CCDC178: variants seen among roughly 807,000 people sequenced by gnomAD.
CCDC178 encodes coiled-coil domain-containing protein 178.
Under a neutral mutation model 117.4 loss-of-function variants are expected in CCDC178, and 126 were observed. The ratio of observed to expected loss-of-function variants is 1.07; its 90% CI spans 0.93 to 1.24. The LOEUF (loss-of-function observed/expected upper bound fraction) is 1.24. Among genes scored for constraint, CCDC178 ranks in the 50% most tolerant of loss-of-function variants. CCDC178 has a pLI of 0.00. For synonymous variants in CCDC178, 283 were observed against 313.4 expected, an observed-to-expected ratio of 0.90 and a Z score of 1.02; for missense variants, 1,030 against 986.9, an observed-to-expected ratio of 1.04 and a Z score of -0.59.
At chr18:33,242,136 G>A (rs2059495560) in intron 15 of CCDC178, among the ~76,000 whole-genome samples, 1 of 151,688 alleles carries the variant, frequency 6.6e-6, no homozygotes, top group South Asian at 2.1e-4. Flanking sequence ...ACTGATTTTT[G>A]ACAAAGGCAC....
chr18:33,396,486 G>A (rs1327991010), intron 4 of CCDC178, among the ~76,000 whole-genome samples: 1 of 151,992 alleles, frequency 6.6e-6, no homozygotes, highest in Non-Finnish European at 1.5e-5. Context: ...TATGTACAAG[G>A]AGGTTTCTAG....
intron 14 of CCDC178, among the ~76,000 whole-genome samples, chr18:33,247,506 AG>A (rs1293104669): frequency 6.6e-6 from 1 of 151,884 alleles, no homozygotes; most frequent in East Asian, 1.9e-4. Context: ...AGAGACAAAG[AG>A]AGTTTTGGAT....
At chr18:33,231,884 G>C (rs2059372669) in intron 15 of CCDC178, among the ~76,000 whole-genome samples, 1 of 152,136 alleles carries the variant, frequency 6.6e-6, no homozygotes, top group South Asian at 2.1e-4. Context: ...CCTCTTCCAT[G>C]CTTGTTCCTT....
At position 32,974,806 on chromosome 18, in the gene CCDC178, A is replaced by T. The variant is rs906788977; in HGVS notation, c.2389-125T>A. 79 of 847,680 alleles carry T rather than the reference A, an allele frequency of 9.3e-5. 1 individual carries two copies. The Middle Eastern group carries it at 9.8e-4, about 10-fold the overall frequency. 52.5% of individuals were successfully genotyped at this position (847,680 alleles called of 1,614,324 possible). A position where few individuals can be genotyped will look rare whatever the true frequency, so the allele number is the denominator to read the frequency against. The stretch of plus-strand genomic sequence containing the variant: ...CAATAGCCCATTCTGCACTGCACGG[A>T]CCTGACAGGAATTTCACAGTCTCTT... On this transcript the variant is annotated intron_variant, in intron 21 of 22. Coordinates refer to ENST00000383096, the MANE Select transcript of CCDC178 (RefSeq NM_001105528.4).
intron 5 of CCDC178, among the ~76,000 whole-genome samples, chr18:33,382,247 A>C (rs1243581855): frequency 6.6e-6 from 1 of 152,224 alleles, no homozygotes; most frequent in Non-Finnish European, 1.5e-5. Flanking sequence ...GAACCCCAAT[A>C]GATATATGTA....
At chr18:33,207,878 T>G (rs1423079534) in intron 20 of CCDC178, among the ~76,000 whole-genome samples, 1 of 152,092 alleles carries the variant, frequency 6.6e-6, no homozygotes, top group East Asian at 1.9e-4. Context: ...ACACTCAAAA[T>G]CTATTAAATT....
chr18:33,086,081 T>A (rs2057374079), intron 21 of CCDC178, among the ~76,000 whole-genome samples: 1 of 151,918 alleles, frequency 6.6e-6, no homozygotes, highest in Non-Finnish European at 1.5e-5. Flanking sequence ...ATACCTATCA[T>A]AAAAGGTGTA....
chr18:33,407,035 A>T (rs1448246747), intron 3 of CCDC178, among the ~76,000 whole-genome samples: 1 of 152,214 alleles, frequency 6.6e-6, no homozygotes, highest in Non-Finnish European at 1.5e-5. Flanking sequence ...GAGCTGTTTC[A>T]TGACTAGAGG....
intron 21 of CCDC178, among the ~76,000 whole-genome samples, chr18:32,995,191 C>T (rs2055477109): frequency 1.3e-5 from 2 of 152,042 alleles, no homozygotes; most frequent in African/African-American, 4.8e-5. Context: ...GGAGGAGGAA[C>T]TTATGGCACA....
At chr18:33,432,207 A>C (rs558945843) in intron 2 of CCDC178, among the ~76,000 whole-genome samples, 4 of 152,258 alleles carry the variant, frequency 2.6e-5, no homozygotes, top group South Asian at 4.2e-4. Flanking sequence ...GCAAGTAGTA[A>C]GATTGTCTGA....
intron 20 of CCDC178, among the ~76,000 whole-genome samples, chr18:33,154,760 C>T (rs1279258394): frequency 6.6e-6 from 1 of 152,036 alleles, no homozygotes; most frequent in Non-Finnish European, 1.5e-5. Context: ...TCTAAAATAT[C>T]AGACAAAACT....
At chr18:33,424,806 G>T (rs2064095024) in intron 2 of CCDC178, among the ~76,000 whole-genome samples, 1 of 152,170 alleles carries the variant, frequency 6.6e-6, no homozygotes, top group South Asian at 2.1e-4. Flanking sequence ...GAGAGCTAGC[G>T]TAAGACAGCT....
intron 22 of CCDC178, among the ~76,000 whole-genome samples, chr18:32,971,845 C>T (rs2054932484): frequency 6.6e-6 from 1 of 152,052 alleles, no homozygotes; most frequent in Non-Finnish European, 1.5e-5. Context: ...CTGTTCATAT[C>T]CTTTGCCGAC....
At chr18:33,112,926 C>G (rs1250843770) in intron 20 of CCDC178, among the ~76,000 whole-genome samples, 3 of 151,936 alleles carry the variant, frequency 2.0e-5, no homozygotes, top group Admixed American at 6.6e-5. Flanking sequence ...TAAAATGACT[C>G]TAAACTGTTA....
At chr18:33,054,774 T>A (rs1192179768) in intron 21 of CCDC178, among the ~76,000 whole-genome samples, 2 of 152,260 alleles carry the variant, frequency 1.3e-5, no homozygotes, top group African/African-American at 4.8e-5. Flanking sequence ...TATATTCCTT[T>A]GGGTACATAC....
At chr18:32,941,450 T>C (rs2054238117) in intron 22 of CCDC178, among the ~76,000 whole-genome samples, 1 of 152,088 alleles carries the variant, frequency 6.6e-6, no homozygotes, top group Admixed American at 6.6e-5. Context: ...AGGAGTGTTG[T>C]TTGGAAAGAG....
chr18:33,133,599 C>T (rs1369149524), intron 20 of CCDC178, among the ~76,000 whole-genome samples: 2 of 151,770 alleles, frequency 1.3e-5, no homozygotes, highest in African/African-American at 2.4e-5. Context: ...TATATTTCAA[C>T]GATTAGAGAG....
At chr18:32,963,004 AG>A (rs1436789130) in intron 22 of CCDC178, among the ~76,000 whole-genome samples, 1 of 152,026 alleles carries the variant, frequency 6.6e-6, no homozygotes, top group Non-Finnish European at 1.5e-5. Flanking sequence ...GACTTATTAA[AG>A]ACCTTACTCT....
At chr18:33,015,597 A>AC (rs2055970533) in intron 21 of CCDC178, among the ~76,000 whole-genome samples, 1 of 151,936 alleles carries the variant, frequency 6.6e-6, no homozygotes, top group Non-Finnish European at 1.5e-5. Flanking sequence ...AACAACAACA[A>AC]AAACAGGAAA....
Sources: gnomAD v4.1 joint callset for allele counts (sites outside exome capture counted in the v4.1 genomes callset) on GRCh38, gnomAD v4.1.1 for gene constraint, MANE v1.5 for transcripts, NCBI Gene and HGNC (gene_info 2026-07-23, HGNC 2026-07-21) for gene names.